PCDHGA4: variants seen among roughly 807,000 people sequenced by gnomAD.
The protein encoded by PCDHGA4 is protocadherin gamma-A4.
Under a neutral mutation model 54.6 loss-of-function variants are expected in PCDHGA4, and 38 were observed. The observed-to-expected ratio is 0.70, with a 90% confidence interval of 0.54 to 0.91. The LOEUF (loss-of-function observed/expected upper bound fraction) is 0.91. PCDHGA4 is among the 40% of genes least tolerant of loss of function. The probability of loss-of-function intolerance (pLI) is 0.00; values close to 1 mark genes in which losing one functional copy is unlikely to be tolerated. For missense variants in PCDHGA4, 1,298 were observed against 1,220.9 expected, an observed-to-expected ratio of 1.06 and a Z score of -0.94; for synonymous variants, 511 against 512.9, an observed-to-expected ratio of 1.00 and a Z score of 0.05.
Position 141,486,170 on chromosome 5 carries a change from C to A in PCDHGA4, c.2515-8637C>A. ...TGGGGGTTCTCCAGCCATGGAGCAACATTGCAGCCTTCGAGTGGATCTGCT... is the reference window on the plus strand; with the variant it reads ...TGGGGGTTCTCCAGCCATGGAGCAAAATTGCAGCCTTCGAGTGGATCTGCT... On this transcript the variant is annotated intron_variant, in intron 1 of 3. Coordinates refer to ENST00000571252, the MANE Select transcript of PCDHGA4 (RefSeq NM_018917.4). This position sits in a 1 kb window ranked among gnomAD's most constrained non-coding sequence, Gnocchi z 5.0. 6.2e-7 allele frequency: 1 copy of A among 1,614,234 alleles called. No homozygotes were observed. Among genetic ancestry groups the A allele is most frequent in the African/African-American group, 1.3e-5 (1 of 75,052 alleles).
At chr5:141,409,674 TAGTGGCG>T in intron 1 of PCDHGA4, 1 of 1,613,414 alleles carries the variant, frequency 6.2e-7, no homozygotes, top group Non-Finnish European at 8.5e-7. Flanking sequence ...TCCTACTCTA[TAGTGGCG>T]AGTGACCTAG....
At chr5:141,473,131 A>G (rs1262205483) in intron 1 of PCDHGA4, among the ~76,000 whole-genome samples, 2 of 152,214 alleles carry the variant, frequency 1.3e-5, no homozygotes, top group Admixed American at 6.5e-5. Context: ...TTGGCAAACT[A>G]TATTATCTCT....
At chr5:141,441,859 G>T in intron 1 of PCDHGA4, 1 of 348,078 alleles carries the variant, frequency 2.9e-6, no homozygotes. Context: ...GGTGCTGCAC[G>T]CCGCGGAGCC....
At chr5:141,393,579 C>T (rs2092799952) in intron 1 of PCDHGA4, 2 of 1,613,888 alleles carry the variant, frequency 1.2e-6, no homozygotes, top group Non-Finnish European at 1.7e-6. Context: ...TGAGAACATG[C>T]CCCCAGGCAC....
intron 1 of PCDHGA4, among the ~76,000 whole-genome samples, chr5:141,469,403 C>T (rs902543178): frequency 4.6e-5 from 7 of 152,060 alleles, no homozygotes; most frequent in South Asian, 2.1e-4. Context: ...GGTGAAACCC[C>T]GTTTCTACTA....
intron 1 of PCDHGA4, among the ~76,000 whole-genome samples, chr5:141,460,221 C>T (rs931609262): frequency 3.4e-4 from 51 of 151,918 alleles, no homozygotes; most frequent in African/African-American, 1.2e-3. Flanking sequence ...TTAGTTGTGT[C>T]TTTTGAAGAG....
chr5:141,406,781 T>C (rs1054583306), intron 1 of PCDHGA4, among the ~76,000 whole-genome samples: 4 of 152,218 alleles, frequency 2.6e-5, no homozygotes, highest in Non-Finnish European at 5.9e-5. Context: ...CTCTCACTTA[T>C]ATATTATTTC....
In PCDHGA4 at chr5:141,490,262, G is replaced by A; in HGVS notation, c.2515-4545G>A. 1.2e-6 allele frequency: 2 copies of A among 1,614,206 alleles called. No homozygotes were observed. Among genetic ancestry groups the A allele is most frequent in the South Asian group, 1.1e-5 (1 of 91,086 alleles). On this transcript the variant is annotated intron_variant, in intron 1 of 3. Transcript: ENST00000571252. The surrounding 1 kb of genome is among the most constrained non-coding windows in gnomAD (Gnocchi z 5.4). ...CACTGTGTGATTCAAGTGGATGTGGGGGATGTCAATGACAATGCCCCAGAG... is the reference window on the plus strand; with the variant it reads ...CACTGTGTGATTCAAGTGGATGTGGAGGATGTCAATGACAATGCCCCAGAG...
intron 1 of PCDHGA4, chr5:141,426,835 C>G (rs1038394702): frequency 6.6e-6 from 3 of 456,576 alleles, no homozygotes; most frequent in Non-Finnish European, 1.3e-5. Flanking sequence ...ATGGACAAGA[C>G]TAAAGGCAAG....
chr5:141,480,651 C>T (rs780138971), intron 1 of PCDHGA4, among the ~76,000 whole-genome samples: 1 of 152,174 alleles, frequency 6.6e-6, no homozygotes, highest in African/African-American at 2.4e-5. Flanking sequence ...CTTGGTTGCA[C>T]ATTAAAATCA....
chr5:141,421,933 G>A (rs1310432014), intron 1 of PCDHGA4: 1 of 1,613,446 alleles, frequency 6.2e-7, no homozygotes, highest in Non-Finnish European at 8.5e-7. Flanking sequence ...GGTCCTCGAT[G>A]TAAATGATCA....
chr5:141,495,752 C>G (rs1310125902), intron 2 of PCDHGA4, among the ~76,000 whole-genome samples: 1 of 152,150 alleles, frequency 6.6e-6, no homozygotes, highest in Non-Finnish European at 1.5e-5. Flanking sequence ...TTCTCTATCT[C>G]TGCCTCCCTG....
At chr5:141,401,728 T>G (rs1476616709) in intron 1 of PCDHGA4, among the ~76,000 whole-genome samples, 2 of 152,174 alleles carry the variant, frequency 1.3e-5, no homozygotes, top group Non-Finnish European at 2.9e-5. Context: ...AAACTACTAG[T>G]CTTGTGTACA....
chr5:141,510,323 C>A (rs1173679711), intron 3 of PCDHGA4, among the ~76,000 whole-genome samples: 1 of 151,234 alleles, frequency 6.6e-6, no homozygotes, highest in East Asian at 2.0e-4. Flanking sequence ...TGGAAGAGCA[C>A]TCTTCACCCC....
Position 141,356,771 on chromosome 5 carries a change from A to G in PCDHGA4, c.1664A>G (p.Gln555Arg), listed in dbSNP as rs900722489. ...LYALCSFDYE[Q>R]FRDLQLLMTA... Reference sequence around the variant, plus strand: ...GCTCTTTGCTCCTTCGACTATGAGCAGTTTAGAGACCTGCAGCTGCTGATG... The same window carrying G: ...GCTCTTTGCTCCTTCGACTATGAGCGGTTTAGAGACCTGCAGCTGCTGATG... The change falls in exon 1 of 4, where the codon CAG becomes CGG. Residue 555 changes from glutamine to arginine, a missense_variant. Physicochemically the swap from Gln to Arg is conservative, Grantham distance 43 (BLOSUM62 1). Coordinates refer to ENST00000571252, the MANE Select transcript of PCDHGA4 (RefSeq NM_018917.4). 1.2e-6 allele frequency: 2 copies of G among 1,613,906 alleles called. No homozygotes were observed. The highest frequency in any genetic ancestry group is 1.3e-5 in the African/African-American group (1 of 74,950).
intron 1 of PCDHGA4, chr5:141,428,419 CTCTGT>C (rs2097138377): frequency 4.4e-6 from 2 of 451,802 alleles, no homozygotes; most frequent in African/African-American, 2.0e-5. Context: ...TCACCCTGGT[CTCTGT>C]TCTAAGACTA....
chr5:141,438,627 TATATATATACACACAC>T (rs1396288881), intron 1 of PCDHGA4, among the ~76,000 whole-genome samples: 69 of 48,002 alleles, frequency 1.4e-3, no homozygotes, highest in Admixed American at 2.8e-3. Flanking sequence ...TATATATATA[TATATATATACACACAC>T]ACACACACAT....
chr5:141,382,594 A>C, intron 1 of PCDHGA4: 1 of 249,844 alleles, frequency 4.0e-6, no homozygotes, highest in Non-Finnish European at 7.6e-6. Context: ...GAAAGATGAA[A>C]CAATTTTCTA....
At chr5:141,460,616 T>C (rs905095529) in intron 1 of PCDHGA4, among the ~76,000 whole-genome samples, 8 of 152,114 alleles carry the variant, frequency 5.3e-5, no homozygotes, top group Non-Finnish European at 7.4e-5. Context: ...GATGGATAGA[T>C]AGACAGATAC....
Sources: gnomAD v4.1 joint callset for allele counts (sites outside exome capture counted in the v4.1 genomes callset) on GRCh38, gnomAD v4.1.1 for gene constraint, Gnocchi (gnomAD v3.1) non-coding constraint, MANE v1.5 for transcripts, NCBI Gene and HGNC (gene_info 2026-07-23, HGNC 2026-07-21) for gene names.